ADCY2: variants seen among roughly 807,000 people sequenced by gnomAD.
ADCY2 encodes the protein adenylate cyclase 2, also known as adenylate cyclase type 2.
ADCY2 carries 31 observed loss-of-function variants against 125.2 expected under a neutral mutation model. The observed-to-expected ratio is 0.25, with a 90% CI of 0.19 to 0.33. ADCY2 has a LOEUF of 0.33. ADCY2 is among the 10% of genes least tolerant of loss of function. The probability of loss-of-function intolerance (pLI) is 1.00; values close to 1 mark genes in which losing one functional copy is unlikely to be tolerated. For missense variants in ADCY2, 904 were observed against 1,418.2 expected (o/e 0.64, Z 5.82); for synonymous variants, 512 against 548.4 (o/e 0.93, Z 0.93).
chr5:7,761,754 T>G (rs921050653), intron 16 of ADCY2, among the ~76,000 whole-genome samples: 1 of 152,200 alleles, frequency 6.6e-6, no homozygotes, highest in African/African-American at 2.4e-5. Flanking sequence ...TAACTCTATT[T>G]TGTATAGCAT....
At chr5:7,480,396 A>G (rs769106631) in intron 2 of ADCY2, among the ~76,000 whole-genome samples, 5 of 152,342 alleles carry the variant, frequency 3.3e-5, no homozygotes, top group East Asian at 1.9e-4. Context: ...TATGGTACAT[A>G]TGTACCATGG....
At chr5:7,403,937 TACAC>T (rs370540720) in intron 1 of ADCY2, among the ~76,000 whole-genome samples, 2,284 of 140,520 alleles carry the variant, frequency 0.016, 46 homozygotes, top group African/African-American at 0.044. Context: ...CTTTCAATGC[TACAC>T]ACACACACAC....
At chr5:7,813,481 A>G (rs146247373) in intron 22 of ADCY2, among the ~76,000 whole-genome samples, 79 of 152,362 alleles carry the variant, frequency 5.2e-4, no homozygotes, top group African/African-American at 1.9e-3. Flanking sequence ...TATGTTTCAG[A>G]GAACTGAGCG....
chr5:7,469,639 T>C (rs367864209), intron 2 of ADCY2, among the ~76,000 whole-genome samples: 140 of 152,016 alleles, frequency 9.2e-4, no homozygotes, highest in African/African-American at 3.2e-3. Flanking sequence ...TATCCTATTC[T>C]GATGTTTGAC....
intron 3 of ADCY2, among the ~76,000 whole-genome samples, chr5:7,581,982 A>G (rs1297541400): frequency 6.6e-6 from 1 of 152,186 alleles, no homozygotes; most frequent in African/African-American, 2.4e-5. Flanking sequence ...CTAAAAGATG[A>G]TATTTTCAAA....
chr5:7,523,913 G>T (rs1189626894), intron 3 of ADCY2, among the ~76,000 whole-genome samples: 4 of 152,232 alleles, frequency 2.6e-5, no homozygotes, highest in African/African-American at 9.6e-5. Flanking sequence ...ATTTTGTTTC[G>T]CACAGATCCA....
At chr5:7,673,119 A>T (rs982288004) in intron 4 of ADCY2, among the ~76,000 whole-genome samples, 19 of 150,040 alleles carry the variant, frequency 1.3e-4, no homozygotes, top group Non-Finnish European at 2.4e-4. Flanking sequence ...AAACTTAACA[A>T]TGGTTGGGTG....
intron 14 of ADCY2, 147 bp downstream of exon 14, chr5:7,727,408 G>A (rs763424040): frequency 5.3e-5 from 34 of 646,966 alleles, no homozygotes; most frequent in Admixed American, 2.2e-4. Context: ...CCAGGACCTC[G>A]GAGGTTAAGT....
At chr5:7,600,149 C>A (rs557904139) in intron 3 of ADCY2, among the ~76,000 whole-genome samples, 2 of 152,236 alleles carry the variant, frequency 1.3e-5, no homozygotes, top group East Asian at 1.9e-4. Flanking sequence ...ACACCTGAAA[C>A]TGGAACTGAC....
At chr5:7,589,482 G>GAAAGAAAGAAAGAAAGAAAGAA (rs1736757835) in intron 3 of ADCY2, among the ~76,000 whole-genome samples, 2 of 53,308 alleles carry the variant, frequency 3.8e-5, no homozygotes, top group Admixed American at 6.1e-4. Flanking sequence ...AAGAAAGAAA[G>GAAAGAAAGAAAGAAAGAAAGAA]AAAGAAAGAA....
intron 2 of ADCY2, among the ~76,000 whole-genome samples, chr5:7,446,084 C>T (rs1157242631): frequency 1.3e-5 from 2 of 152,066 alleles, no homozygotes; most frequent in Non-Finnish European, 2.9e-5. Context: ...CCAGTGTTTC[C>T]ATATTAAGTA....
intron 3 of ADCY2, among the ~76,000 whole-genome samples, chr5:7,593,140 C>T (rs149177353): frequency 1.6e-4 from 24 of 152,090 alleles, no homozygotes; most frequent in African/African-American, 5.1e-4. Flanking sequence ...GAGCGCAAAT[C>T]GAGGAAAACC....
rs141544687 is a variant in ADCY2 at position 7,519,779 on chromosome 5, G to A, written c.409-959G>A. Among the ~76,000 whole-genome samples, 240 of 152,202 alleles carry A rather than the reference G, an allele frequency of 1.6e-3. 1 individual carries two copies. The highest frequency in any genetic ancestry group is 5.7e-3 in the African/African-American group (235 of 41,522). On this transcript the variant is annotated intron_variant, in intron 2 of 24. Coordinates refer to ENST00000338316, the MANE Select transcript of ADCY2 (RefSeq NM_020546.3). ...GTTTTCATCATCCCCGAAGGAAACC[G>A]TGCACCTAGTCAGCAGCTACTCTCC...
At chr5:7,715,590 G>T (rs1374625284) in intron 11 of ADCY2, among the ~76,000 whole-genome samples, 3 of 150,212 alleles carry the variant, frequency 2.0e-5, no homozygotes, top group Admixed American at 6.6e-5. Flanking sequence ...AAATTAATTT[G>T]CCTGCTTCAA....
At chr5:7,458,439 ATATT>A (rs1424676167) in intron 2 of ADCY2, among the ~76,000 whole-genome samples, 1 of 152,224 alleles carries the variant, frequency 6.6e-6, no homozygotes, top group African/African-American at 2.4e-5. Flanking sequence ...ATGATCAGAT[ATATT>A]TAACTAAGAT....
At position 7,533,056 on chromosome 5, in the gene ADCY2, A is replaced by G. The variant is rs564566666; in HGVS notation, c.570+12157A>G. 2.0e-5 allele frequency among the ~76,000 whole-genome samples: 3 copies of G among 149,608 alleles called. No homozygotes were observed. In the South Asian group the frequency reaches 6.3e-4, roughly 31 times the overall value. On this transcript the variant is annotated intron_variant, in intron 3 of 24. Transcript: ENST00000338316. ...ATGTATATAAACATTTGATATATAT[A>G]CATTTGATATATACATATATAAACA...
chr5:7,632,168 G>A (rs1738334588), intron 4 of ADCY2, among the ~76,000 whole-genome samples: 1 of 152,154 alleles, frequency 6.6e-6, no homozygotes, highest in South Asian at 2.1e-4. Context: ...AGGGCTGGGG[G>A]ATGCGCCCAA....
At chr5:7,815,953 C>T (rs1307536310) in intron 22 of ADCY2, among the ~76,000 whole-genome samples, 1 of 152,212 alleles carries the variant, frequency 6.6e-6, no homozygotes, top group African/African-American at 2.4e-5. Flanking sequence ...CTCTCTTCTC[C>T]CCCTGTCGGG....
chr5:7,727,447 G>A (rs554031828), intron 14 of ADCY2, among the ~76,000 whole-genome samples, 186 bp downstream of exon 14: 2 of 152,180 alleles, frequency 1.3e-5, no homozygotes, highest in South Asian at 4.2e-4. Context: ...TTAGCATAAT[G>A]TTGGATTTTC....
Sources: gnomAD v4.1 joint callset for allele counts (sites outside exome capture counted in the v4.1 genomes callset) on GRCh38, gnomAD v4.1.1 for gene constraint, MANE v1.5 for transcripts, NCBI Gene and HGNC (gene_info 2026-07-23, HGNC 2026-07-21) for gene names.